ANTXR1: variants seen among roughly 807,000 people sequenced by gnomAD.
ANTXR1 encodes anthrax toxin receptor 1.
A neutral mutation model predicts 78.1 loss-of-function variants in ANTXR1; 19 were observed. The observed-to-expected ratio is 0.24, with a 90% CI of 0.17 to 0.36. The LOEUF is 0.36. Among genes scored for constraint, ANTXR1 ranks in the 10% least tolerant of loss-of-function variants. The probability of loss-of-function intolerance (pLI) is 1.00; values close to 1 mark genes in which losing one functional copy is unlikely to be tolerated. For missense variants in ANTXR1, 518 were observed against 718.6 expected, an observed-to-expected ratio of 0.72 and a Z score of 3.19; for synonymous variants, 273 against 260.5, an observed-to-expected ratio of 1.05 and a Z score of -0.46.
At chr2:69,098,458 G>A (rs1671500942) in intron 9 of ANTXR1, among the ~76,000 whole-genome samples, 1 of 152,128 alleles carries the variant, frequency 6.6e-6, no homozygotes, top group Admixed American at 6.5e-5. Flanking sequence ...TGGGTGACCA[G>A]AACAAGTGGA....
In ANTXR1 at chr2:69,013,566, C is replaced by G; in HGVS notation, c.67C>G (p.Leu23Val). The G allele has an allele frequency of 6.3e-7, 1 of 1,575,034 alleles. No homozygotes were observed. Among genetic ancestry groups the G allele is most frequent in the African/African-American group, 1.3e-5 (1 of 74,780 alleles). ...GTGGCTCTCTTTGGCCACTCTGGTGCTCATCTGCGCCGGGCAAGGGGGACG... is the reference window on the plus strand; with the variant it reads ...GTGGCTCTCTTTGGCCACTCTGGTGGTCATCTGCGCCGGGCAAGGGGGACG... ...FQWLSLATLV[L>V]ICAGQGGRRE... Residue 23 changes from leucine (L) to valine (V), a missense_variant, in exon 1 of 18, where the codon CTC becomes GTC. Around this residue, in one of 5 missense-constraint regions of ANTXR1, gnomAD observed 55 missense variants for 52.5 expected, o/e 1.05. Transcript: ENST00000303714. This position sits in a 1 kb window ranked among gnomAD's most constrained non-coding sequence, Gnocchi z 5.0.
chr2:69,048,363 A>G (rs1224898365), intron 3 of ANTXR1, among the ~76,000 whole-genome samples: 1 of 152,144 alleles, frequency 6.6e-6, no homozygotes, highest in Non-Finnish European at 1.5e-5. Context: ...TTTGGTTATG[A>G]TATATTCTTT....
Position 69,245,756 on chromosome 2 carries a change from G to C in ANTXR1, c.*271G>C. 1 of 444,614 alleles carries C rather than the reference G, an allele frequency of 2.2e-6. No homozygotes were observed. 27.5% of individuals were successfully genotyped at this position (444,614 alleles called of 1,614,324 possible). ...GGTTCCAGAGACAGTGAAACTGCAAGATGCTCTCAACAGGATTATGTCTCA... is the reference window on the plus strand; with the variant it reads ...GGTTCCAGAGACAGTGAAACTGCAACATGCTCTCAACAGGATTATGTCTCA... On this transcript the variant is annotated 3_prime_UTR_variant, in exon 18 of 18. Coordinates refer to ENST00000303714, the MANE Select transcript of ANTXR1 (RefSeq NM_032208.3).
At chr2:69,160,471 T>C (rs1236168732) in intron 13 of ANTXR1, among the ~76,000 whole-genome samples, 1 of 152,214 alleles carries the variant, frequency 6.6e-6, no homozygotes, top group Non-Finnish European at 1.5e-5. Context: ...GGCTGCTTCC[T>C]CATATTCGTA....
At chr2:69,084,997 C>T (rs976547368) in intron 8 of ANTXR1, among the ~76,000 whole-genome samples, 2 of 151,744 alleles carry the variant, frequency 1.3e-5, no homozygotes, top group African/African-American at 2.4e-5. Flanking sequence ...GGACTACAGG[C>T]GCCTGCCACC....
At chr2:69,102,990 AGG>A in intron 10 of ANTXR1, 50 bp downstream of exon 10, 1 of 1,544,804 alleles carries the variant, frequency 6.5e-7, no homozygotes. Context: ...GCTTCAAGGA[AGG>A]GAATTCCCAC....
chr2:69,118,039 C>T (rs1672209287), intron 10 of ANTXR1, among the ~76,000 whole-genome samples: 2 of 152,126 alleles, frequency 1.3e-5, no homozygotes, highest in South Asian at 4.2e-4. Flanking sequence ...CTTGGGTAAA[C>T]CTATGTCATA....
chr2:69,059,481 CTT>C lies in ANTXR1; in HGVS notation c.297-11153_297-11152del, dbSNP rs35182884. 9.8e-3 allele frequency among the ~76,000 whole-genome samples: 1,424 copies of C among 145,910 alleles called. 21 individuals are homozygous for C. The highest frequency in any genetic ancestry group is 0.033 in the African/African-American group (1,314 of 40,072). The stretch of plus-strand genomic sequence containing the variant: ...AAAGTATTTTTCATCGAAGTGTGTA[CTT>C]TTTTTTTTTTTTGAGACCGAGTTTT... On this transcript the variant is annotated intron_variant, in intron 3 of 17. Coordinates refer to ENST00000303714, the MANE Select transcript of ANTXR1 (RefSeq NM_032208.3).
intron 6 of ANTXR1, among the ~76,000 whole-genome samples, chr2:69,074,420 A>G (rs536591210): frequency 6.6e-6 from 1 of 152,320 alleles, no homozygotes; most frequent in Admixed American, 6.5e-5. Flanking sequence ...GGCTTAAGAT[A>G]GGGATTAGTG....
At chr2:69,118,713 C>T (rs1179415647) in intron 10 of ANTXR1, among the ~76,000 whole-genome samples, 1 of 152,182 alleles carries the variant, frequency 6.6e-6, no homozygotes, top group Non-Finnish European at 1.5e-5. Flanking sequence ...GCGAGGCTGG[C>T]ACGGCCCTGG....
In ANTXR1 at chr2:69,040,102, C is replaced by G; in HGVS notation, c.211C>G (p.His71Asp). The G allele has an allele frequency of 1.2e-6, 2 of 1,613,238 alleles. No individual in the cohort carries two copies. The highest frequency in any genetic ancestry group is 1.3e-5 in the African/African-American group (1 of 75,010). ...CTATTACTTTGTGGAACAGTTGGCTCACAAATTCATCAGGTGAGAAACACT... is the reference window on the plus strand; with the variant it reads ...CTATTACTTTGTGGAACAGTTGGCTGACAAATTCATCAGGTGAGAAACACT... The part of the protein sequence containing the change: ...EIYYFVEQLA[H>D]KFISPQLRMS... The change falls in exon 2 of 18, where the codon CAC becomes GAC. Residue 71 changes from histidine to aspartate, a missense_variant. This residue lies in a region of ANTXR1 where 264 missense variants were observed against 391.8 expected (regional missense o/e 0.67). Transcript: ENST00000303714.
chr2:69,118,551 G>A (rs556851910), intron 10 of ANTXR1, among the ~76,000 whole-genome samples: 13 of 152,162 alleles, frequency 8.5e-5, no homozygotes, highest in African/African-American at 2.4e-4. Flanking sequence ...GGGCCAGTCC[G>A]AGCTCCTGGC....
chr2:69,193,357 T>C lies in ANTXR1; in HGVS notation c.1376T>C (p.Val459Ala). The change falls in exon 17 of 18, where the codon GTC becomes GCC. Residue 459 changes from valine (V) to alanine (A), a missense_variant. Val to Ala is a moderately conservative substitution (Grantham distance 64). Coordinates refer to ENST00000303714, the MANE Select transcript of ANTXR1 (RefSeq NM_032208.3). ...PIKGKLDALW[V>A]LLRKGYDRVS... ...CAGGGAAAACTCGATGCCTTGTGGGTCCTACTGAGGAAAGGATATGATCGT... is the reference window on the plus strand; with the variant it reads ...CAGGGAAAACTCGATGCCTTGTGGGCCCTACTGAGGAAAGGATATGATCGT... 1 of 1,613,850 alleles carries C rather than the reference T, an allele frequency of 6.2e-7. No homozygotes were observed. The highest frequency in any genetic ancestry group is 8.5e-7 in the Non-Finnish European group (1 of 1,179,918).
At chr2:69,132,215 G>C (rs1456945096) in intron 12 of ANTXR1, among the ~76,000 whole-genome samples, 3 of 152,186 alleles carry the variant, frequency 2.0e-5, no homozygotes, top group Non-Finnish European at 4.4e-5. Flanking sequence ...GCTGCCAGCT[G>C]GGGCTGAGGA....
intron 9 of ANTXR1, among the ~76,000 whole-genome samples, chr2:69,098,696 A>ATT (rs1295018312): frequency 6.6e-6 from 1 of 152,220 alleles, no homozygotes; most frequent in African/African-American, 2.4e-5. Context: ...TTTAAAAGGT[A>ATT]CAATTCAGGC....
At chr2:69,211,913 C>T (rs1162797717) in intron 17 of ANTXR1, among the ~76,000 whole-genome samples, 8 of 152,328 alleles carry the variant, frequency 5.3e-5, no homozygotes, top group South Asian at 4.2e-4. Context: ...ACACCACCCC[C>T]GGCCCAAATT....
Position 69,182,785 on chromosome 2 carries a change from A to G in ANTXR1, c.1353+125A>G. ...CCCAGCTTATCACAGGGGAACAATT[A>G]TCTAAAATTATGGACTTGAAAGTAC... On this transcript the variant is annotated intron_variant, in intron 16 of 17. Transcript: ENST00000303714. The G allele has an allele frequency of 4.8e-6, 6 of 1,241,312 alleles. 1 individual carries two copies. The highest frequency in any genetic ancestry group is 2.3e-4 in the Middle Eastern group (1 of 4,332). 76.9% of individuals were successfully genotyped at this position (1,241,312 alleles called of 1,614,324 possible).
intron 9 of ANTXR1, among the ~76,000 whole-genome samples, chr2:69,097,200 C>T (rs1264082360): frequency 2.0e-5 from 3 of 152,210 alleles, no homozygotes; most frequent in Admixed American, 6.5e-5. Flanking sequence ...CCAACTTCCA[C>T]AGTTCACAAT....
chr2:69,065,424 C>CAAAAAAAAAAA (rs34601328), intron 3 of ANTXR1, among the ~76,000 whole-genome samples: 1 of 66,762 alleles, frequency 1.5e-5, no homozygotes, highest in East Asian at 3.5e-4. Flanking sequence ...GACTCCGTCT[C>CAAAAAAAAAAA]AAAAAAAAAA....
Sources: gnomAD v4.1 joint callset for allele counts (sites outside exome capture counted in the v4.1 genomes callset) on GRCh38, gnomAD v4.1.1 for gene constraint, gnomAD v4.1.1 regional missense constraint, Gnocchi (gnomAD v3.1) non-coding constraint, MANE v1.5 for transcripts, NCBI Gene and HGNC (gene_info 2026-07-23, HGNC 2026-07-21) for gene names.